Variants in LRMDA observed in about 807,000 individuals in gnomAD.
The protein encoded by LRMDA is leucine-rich melanocyte differentiation-associated protein.
In LRMDA, 18 loss-of-function variants were observed where a neutral mutation model predicts 29.8. The ratio of observed to expected loss-of-function variants is 0.60; its 90% confidence interval spans 0.42 to 0.90. The LOEUF is 0.90. LRMDA is among the 40% of genes least tolerant of loss of function. The probability of loss-of-function intolerance (pLI) is 0.00; values close to 1 mark genes in which losing one functional copy is unlikely to be tolerated. For synonymous variants in LRMDA, 125 were observed against 109.4 expected, an observed-to-expected ratio of 1.14 and a Z score of -0.89; for missense variants, 273 against 273.9, an observed-to-expected ratio of 1.00 and a Z score of 0.02.
At chr10:76,102,355 C>T (rs576694458) in intron 5 of LRMDA, among the ~76,000 whole-genome samples, 1 of 152,274 alleles carries the variant, frequency 6.6e-6, no homozygotes, top group South Asian at 2.1e-4. Context: ...GCACAATACC[C>T]TATGGGTATT....
chr10:75,889,867 C>T (rs1472005339), intron 2 of LRMDA, among the ~76,000 whole-genome samples: 1 of 152,198 alleles, frequency 6.6e-6, no homozygotes, highest in Non-Finnish European at 1.5e-5. Context: ...ATGGTTCAAA[C>T]TAAGGGCTAT....
chr10:75,653,590 C>G (rs1344557505), intron 2 of LRMDA, among the ~76,000 whole-genome samples: 2 of 152,194 alleles, frequency 1.3e-5, no homozygotes, highest in Non-Finnish European at 2.9e-5. Flanking sequence ...ATTTTCTGGA[C>G]AGTCTTGGGA....
intron 2 of LRMDA, among the ~76,000 whole-genome samples, chr10:75,716,692 C>G (rs1362973347): frequency 6.6e-6 from 1 of 152,148 alleles, no homozygotes; most frequent in East Asian, 1.9e-4. Flanking sequence ...TGGGAGGGCC[C>G]TCCTCCCTGC....
chr10:75,431,936 G>C (rs1844203336), intron 1 of LRMDA, among the ~76,000 whole-genome samples, 182 bp downstream of exon 1: 3 of 152,160 alleles, frequency 2.0e-5, no homozygotes, highest in African/African-American at 7.2e-5. Context: ...CTCGTTTCGG[G>C]CCTGGCACAC....
chr10:76,400,922 G>A (rs1404153413), intron 6 of LRMDA, among the ~76,000 whole-genome samples: 1 of 152,122 alleles, frequency 6.6e-6, no homozygotes, highest in Admixed American at 6.5e-5. Context: ...GGTTTTGGGG[G>A]AGATTTTGGA....
At chr10:76,141,335 TA>T (rs975997789) in intron 5 of LRMDA, among the ~76,000 whole-genome samples, 22 of 152,100 alleles carry the variant, frequency 1.4e-4, no homozygotes, top group African/African-American at 5.1e-4. Context: ...AATGGATTAC[TA>T]AAAGATTATT....
chr10:76,092,803 C>T (rs982030110), intron 5 of LRMDA, among the ~76,000 whole-genome samples: 1 of 152,014 alleles, frequency 6.6e-6, no homozygotes, highest in Non-Finnish European at 1.5e-5. Context: ...TGTGCAGGGC[C>T]CAATAGGTAC....
In LRMDA at chr10:76,340,515, CAAAAAA is replaced by C. The variant is rs1174024731; in HGVS notation, c.601+16047_601+16052del. ...TAGGTGACAGAGTGAGAACCTGTATCAAAAAAAAAAAAAAAAAAAAAAGAGAGAGAG... is the reference window on the plus strand; with the variant it reads ...TAGGTGACAGAGTGAGAACCTGTATCAAAAAAAAAAAAAAAAGAGAGAGAG... On this transcript the variant is annotated intron_variant, in intron 6 of 6. Transcript: ENST00000611255. 2.0e-3 allele frequency among the ~76,000 whole-genome samples: 151 copies of C among 75,750 alleles called. 1 individual carries two copies. Among genetic ancestry groups the C allele is most frequent in the Non-Finnish European group, 2.0e-3 (87 of 42,970 alleles). 49.7% of individuals were successfully genotyped at this position (75,750 alleles called of 152,430 possible).
Position 75,637,827 on chromosome 10 carries a change from T to C in LRMDA, c.131+199333T>C, listed in dbSNP as rs1157069041. Among the ~76,000 whole-genome samples the C allele has an allele frequency of 2.0e-5, 3 of 152,190 alleles. No individual in the cohort carries two copies. The East Asian group carries it at 5.8e-4, about 29-fold the overall frequency. The stretch of plus-strand genomic sequence containing the variant: ...GGCATTGTTAACTATGAGGGGTGAC[T>C]GGACTGTCAGCCCGGCTGGCAGGAA... On this transcript the variant is annotated intron_variant, in intron 2 of 6. Transcript: ENST00000611255.
intron 5 of LRMDA, among the ~76,000 whole-genome samples, chr10:76,094,392 T>G (rs1332055211): frequency 6.6e-6 from 1 of 152,214 alleles, no homozygotes; most frequent in Non-Finnish European, 1.5e-5. Context: ...GATATATATT[T>G]ATGAAGTATA....
intron 6 of LRMDA, among the ~76,000 whole-genome samples, chr10:76,492,421 A>G (rs1842842236): frequency 2.0e-5 from 3 of 152,070 alleles, no homozygotes; most frequent in Non-Finnish European, 4.4e-5. Context: ...CAAACCCATA[A>G]CACTATGCTT....
intron 2 of LRMDA, among the ~76,000 whole-genome samples, chr10:75,721,132 A>T (rs1338781134): frequency 6.6e-6 from 1 of 152,194 alleles, no homozygotes; most frequent in Non-Finnish European, 1.5e-5. Flanking sequence ...CCAATCTGAG[A>T]CTGTTTGTAA....
At chr10:75,522,825 C>T (rs899563768) in intron 2 of LRMDA, among the ~76,000 whole-genome samples, 6 of 152,136 alleles carry the variant, frequency 3.9e-5, no homozygotes, top group South Asian at 4.1e-4. Flanking sequence ...GCAAGCAGGA[C>T]GCAGATGATG....
At chr10:75,718,499 G>A (rs541628046) in intron 2 of LRMDA, among the ~76,000 whole-genome samples, 1 of 152,338 alleles carries the variant, frequency 6.6e-6, no homozygotes, top group Non-Finnish European at 1.5e-5. Context: ...ATACTCTGGT[G>A]GTAGGAAGTA....
chr10:76,039,249 G>C (rs889762782), intron 3 of LRMDA, among the ~76,000 whole-genome samples: 2 of 152,158 alleles, frequency 1.3e-5, no homozygotes, highest in African/African-American at 4.8e-5. Context: ...GGAGACCTTG[G>C]CATTGGCATC....
At chr10:75,975,007 A>G (rs1029038032) in intron 2 of LRMDA, among the ~76,000 whole-genome samples, 1 of 152,246 alleles carries the variant, frequency 6.6e-6, no homozygotes, top group African/African-American at 2.4e-5. Context: ...TGTACAAGCT[A>G]TGACAGATGA....
intron 2 of LRMDA, among the ~76,000 whole-genome samples, chr10:75,854,415 C>T (rs371445190): frequency 1.3e-5 from 2 of 152,012 alleles, no homozygotes; most frequent in South Asian, 2.1e-4. Flanking sequence ...CCCCCCATGC[C>T]TTTTACTCTC....
chr10:76,256,605 C>A (rs1852597920), intron 5 of LRMDA, among the ~76,000 whole-genome samples: 1 of 152,074 alleles, frequency 6.6e-6, no homozygotes, highest in Admixed American at 6.6e-5. Context: ...CATGAACTGG[C>A]AATTCAGGCA....
chr10:75,932,841 A>AT (rs1846228437), intron 2 of LRMDA, among the ~76,000 whole-genome samples: 1 of 152,146 alleles, frequency 6.6e-6, no homozygotes, highest in African/African-American at 2.4e-5. Flanking sequence ...TTTATTTAGG[A>AT]GTCTAGAATG....
Sources: allele counts gnomAD v4.1 joint callset (sites outside exome capture counted in the v4.1 genomes callset), GRCh38; gene constraint gnomAD v4.1.1; transcripts MANE v1.5; gene names NCBI Gene and HGNC (gene_info 2026-07-23, HGNC 2026-07-21).